ASB15: variants seen among roughly 807,000 people sequenced by gnomAD.
ASB15 encodes the protein ankyrin repeat and SOCS box protein 15.
A neutral mutation model predicts 58.0 loss-of-function variants in ASB15; 54 were observed. The ratio of observed to expected loss-of-function variants is 0.93; its 90% CI spans 0.75 to 1.17. ASB15 has a LOEUF of 1.17. Among genes scored for constraint, ASB15 ranks in the 50% most tolerant of loss-of-function variants. The pLI, the probability that ASB15 is intolerant of heterozygous loss-of-function variation, is 0.00. For synonymous variants in ASB15, 249 were observed against 262.4 expected, an observed-to-expected ratio of 0.95 and a Z score of 0.50; for missense variants, 680 against 707.4, an observed-to-expected ratio of 0.96 and a Z score of 0.44.
chr7:123,576,621 C>T (rs371491242), intron 1 of ASB15, among the ~76,000 whole-genome samples: 3 of 152,154 alleles, frequency 2.0e-5, no homozygotes, highest in Admixed American at 6.6e-5. Flanking sequence ...TCCACATCCT[C>T]GGCTTCTCTG....
Position 123,624,582 on chromosome 7 carries a change from C to A in ASB15, c.465C>A (p.Gly155=), listed in dbSNP as rs769593680. The A allele has an allele frequency of 1.9e-6, 3 of 1,612,578 alleles. No individual in the cohort carries two copies. Among genetic ancestry groups the A allele is most frequent in the South Asian group, 2.2e-5 (2 of 91,036 alleles). ...ETPLLIAVKK[G]SYDMVSTLIK... ...ATCATTTTCAAGCTGTGAAAAAGGG[C>A]TCCTATGACATGGTGTCGACTCTGA... The change falls in exon 8 of 12, where the codon GGC becomes GGA. Residue 155 remains glycine, a synonymous_variant. Transcript: ENST00000451215.
chr7:123,587,217 T>C (rs1331004124), intron 1 of ASB15, among the ~76,000 whole-genome samples: 1 of 151,758 alleles, frequency 6.6e-6, no homozygotes, highest in African/African-American at 2.4e-5. Flanking sequence ...CTTCTTTCAA[T>C]GTCTTTCATC....
Position 123,629,107 on chromosome 7 carries a change from T to G in ASB15, c.1113T>G (p.Ala371=). The G allele has an allele frequency of 6.2e-7, 1 of 1,614,084 alleles. No homozygotes were observed. The highest frequency in any genetic ancestry group is 8.5e-7 in the Non-Finnish European group (1 of 1,179,918). The change falls in exon 10 of 12, where the codon GCT becomes GCG. Residue 371 remains alanine, a synonymous_variant. Coordinates refer to ENST00000451215, the MANE Select transcript of ASB15 (RefSeq NM_001290258.2). ...NDVHCTEVLL[A]AGADPNLDPL... is the part of the protein sequence containing the mutation. Reference sequence around the variant, plus strand: ...TTCATTGCACAGAAGTCCTTCTGGCTGCAGGTGCAGACCCAAACTTAGATC... The same window carrying G: ...TTCATTGCACAGAAGTCCTTCTGGCGGCAGGTGCAGACCCAAACTTAGATC...
intron 1 of ASB15, among the ~76,000 whole-genome samples, chr7:123,575,052 T>C (rs1584722646): frequency 7.1e-6 from 1 of 140,346 alleles, no homozygotes; most frequent in African/African-American, 2.7e-5. Flanking sequence ...ATATGACAGG[T>C]ATGTTTCCTT....
upstream of ASB15, among the ~76,000 whole-genome samples, chr7:123,600,050 T>C (rs1378859598): frequency 1.3e-5 from 2 of 152,214 alleles, no homozygotes; most frequent in African/African-American, 4.8e-5. Context: ...ACTCAAAGTA[T>C]GTCTTATTGT....
At chr7:123,613,912 G>T (rs1475092326) in intron 3 of ASB15, among the ~76,000 whole-genome samples, 1 of 152,096 alleles carries the variant, frequency 6.6e-6, no homozygotes, top group Non-Finnish European at 1.5e-5. Flanking sequence ...CAGACATGGT[G>T]GTGTGCACCT....
intron 7 of ASB15, chr7:123,621,466 G>A (rs1801318105): frequency 1.3e-5 from 2 of 152,120 alleles, no homozygotes. Context: ...ATTATTCATG[G>A]CACTTCCTCA....
At chr7:123,582,374 C>T (rs1799260768) in intron 1 of ASB15, among the ~76,000 whole-genome samples, 1 of 151,930 alleles carries the variant, frequency 6.6e-6, no homozygotes. Flanking sequence ...AACACCACTA[C>T]CCTAGTGCAC....
At chr7:123,584,971 C>G (rs765391964) in intron 1 of ASB15, 1 of 151,734 alleles carries the variant, frequency 6.6e-6, no homozygotes, top group African/African-American at 2.4e-5. Context: ...AGTCACAATT[C>G]CATTTTGACT....
At chr7:123,633,201 G>C (rs1802213636) in intron 11 of ASB15, among the ~76,000 whole-genome samples, 1 of 152,170 alleles carries the variant, frequency 6.6e-6, no homozygotes, top group Non-Finnish European at 1.5e-5. Context: ...CCAAGACTAA[G>C]TGAGAGTTAA....
chr7:123,623,951 GAAAGAA>G (rs1801565781), intron 7 of ASB15, among the ~76,000 whole-genome samples: 1 of 101,152 alleles, frequency 9.9e-6, no homozygotes, highest in African/African-American at 3.3e-5. Flanking sequence ...AAGAAAGAAA[GAAAGAA>G]AGAAAGAAAG....
At chr7:123,625,655 A>G (rs1000176521) in intron 8 of ASB15, among the ~76,000 whole-genome samples, 1 of 152,140 alleles carries the variant, frequency 6.6e-6, no homozygotes, top group Non-Finnish European at 1.5e-5. Context: ...AGATTGTGAC[A>G]CTGCCCTTTC....
chr7:123,630,468 T>C (rs1802062836), intron 11 of ASB15, among the ~76,000 whole-genome samples: 1 of 152,228 alleles, frequency 6.6e-6, no homozygotes, highest in South Asian at 2.1e-4. Context: ...AGGCTTAGCA[T>C]AGTGCCTAGT....
At chr7:123,612,880 G>A (rs923837801) in intron 3 of ASB15, among the ~76,000 whole-genome samples, 2 of 152,110 alleles carry the variant, frequency 1.3e-5, no homozygotes, top group African/African-American at 4.8e-5. Flanking sequence ...CTTTTACTGA[G>A]TTACATTCTA....
intron 2 of ASB15, among the ~76,000 whole-genome samples, chr7:123,606,253 A>T (rs911969734): frequency 1.3e-5 from 2 of 152,110 alleles, no homozygotes; most frequent in African/African-American, 4.8e-5. Flanking sequence ...GATTCAGATA[A>T]ATGAATTGCT....
chr7:123,571,920 C>A (rs1257077311), intron 1 of ASB15, among the ~76,000 whole-genome samples: 1 of 151,874 alleles, frequency 6.6e-6, no homozygotes, highest in Non-Finnish European at 1.5e-5. Flanking sequence ...CAGGCATGCA[C>A]CATCATGCCC....
At chr7:123,579,419 C>T (rs1044386724) in intron 1 of ASB15, among the ~76,000 whole-genome samples, 3 of 152,180 alleles carry the variant, frequency 2.0e-5, no homozygotes, top group South Asian at 2.1e-4. Flanking sequence ...GTAGAGGTTA[C>T]AATAGTTATA....
intron 7 of ASB15, among the ~76,000 whole-genome samples, chr7:123,619,073 G>T (rs1171571518): frequency 6.6e-6 from 1 of 151,284 alleles, no homozygotes; most frequent in Admixed American, 6.6e-5. Context: ...CCAGCTACTC[G>T]GGAGGCTGAT....
chr7:123,611,652 A>G (rs1380255986), intron 3 of ASB15, among the ~76,000 whole-genome samples: 1 of 152,176 alleles, frequency 6.6e-6, no homozygotes, highest in East Asian at 1.9e-4. Flanking sequence ...CTGGTCTTAG[A>G]TAAAGAAGTT....
Sources: gnomAD v4.1 joint callset for allele counts (sites outside exome capture counted in the v4.1 genomes callset) on GRCh38, gnomAD v4.1.1 for gene constraint, MANE v1.5 for transcripts, NCBI Gene and HGNC (gene_info 2026-07-23, HGNC 2026-07-21) for gene names.